The following SLC39A10 variants were observed in gnomAD, a reference collection of about 807,000 sequenced individuals.
The protein encoded by SLC39A10 is zinc transporter ZIP10.
Under a neutral mutation model 65.1 loss-of-function variants are expected in SLC39A10, and 13 were observed. That is an observed-to-expected ratio of 0.20 (90% CI 0.13 to 0.32). The LOEUF is 0.32. Among genes scored for constraint, SLC39A10 ranks in the 10% least tolerant of loss-of-function variants. The probability of loss-of-function intolerance (pLI) is 1.00; values close to 1 mark genes in which losing one functional copy is unlikely to be tolerated. For synonymous variants in SLC39A10, 321 were observed against 342.2 expected, an observed-to-expected ratio of 0.94 and a Z score of 0.68; for missense variants, 831 against 1,018.4, an observed-to-expected ratio of 0.82 and a Z score of 2.50.
intron 2 of SLC39A10, among the ~76,000 whole-genome samples, chr2:195,619,257 A>C (rs1036908037): frequency 6.6e-6 from 1 of 152,166 alleles, no homozygotes; most frequent in East Asian, 1.9e-4. Flanking sequence ...TTCCAGAGCG[A>C]ACTCAACAGG....
intron 1 of SLC39A10, among the ~76,000 whole-genome samples, chr2:195,664,357 G>GTT (rs1689547689): frequency 6.6e-6 from 1 of 150,846 alleles, no homozygotes; most frequent in African/African-American, 2.4e-5. Context: ...TTTAATTATA[G>GTT]CTTTTCTTTT....
At chr2:195,695,486 A>G (rs1440627077) in intron 3 of SLC39A10, among the ~76,000 whole-genome samples, 2 of 152,170 alleles carry the variant, frequency 1.3e-5, no homozygotes, top group African/African-American at 2.4e-5. Flanking sequence ...GTCTATTTCC[A>G]GGCAGCCAGT....
chr2:195,644,887 C>CTTTATTTATTTATT (rs765783190), intron 2 of SLC39A10, among the ~76,000 whole-genome samples: 1 of 91,678 alleles, frequency 1.1e-5, no homozygotes, highest in Non-Finnish European at 2.5e-5. Flanking sequence ...ACCAATCTAA[C>CTTTATTTATTTATT]TACTTTATTT....
chr2:195,649,167 C>A (rs1258904805), intron 2 of SLC39A10, among the ~76,000 whole-genome samples: 1 of 151,926 alleles, frequency 6.6e-6, no homozygotes, highest in Non-Finnish European at 1.5e-5. Context: ...AGAATGACAA[C>A]AACAACAAAA....
intron 5 of SLC39A10, among the ~76,000 whole-genome samples, chr2:195,710,044 G>A (rs1422522215): frequency 1.3e-5 from 2 of 152,264 alleles, no homozygotes; most frequent in African/African-American, 4.8e-5. Flanking sequence ...CAAGAATGAT[G>A]CACCACTTTG....
intron 1 of SLC39A10, among the ~76,000 whole-genome samples, chr2:195,666,341 G>A (rs1689635855): frequency 6.6e-6 from 1 of 152,178 alleles, no homozygotes; most frequent in South Asian, 2.1e-4. Context: ...ACAATGGCAA[G>A]CTGGTATAAA....
intron 2 of SLC39A10, among the ~76,000 whole-genome samples, chr2:195,615,753 C>T (rs1005810293): frequency 2.0e-5 from 3 of 152,144 alleles, no homozygotes; most frequent in Non-Finnish European, 2.9e-5. Flanking sequence ...ACTAGTCTTT[C>T]AAAACCCTTT....
chr2:195,662,153 G>A (rs1164451829), intron 1 of SLC39A10, among the ~76,000 whole-genome samples: 1 of 152,124 alleles, frequency 6.6e-6, no homozygotes, highest in Non-Finnish European at 1.5e-5. Context: ...CCTCTATAAT[G>A]AAGATTTAAT....
At chr2:195,684,918 TA>T (rs1312108080) in intron 3 of SLC39A10, among the ~76,000 whole-genome samples, 4 of 152,180 alleles carry the variant, frequency 2.6e-5, no homozygotes, top group African/African-American at 7.2e-5. Flanking sequence ...CTTATTTACT[TA>T]AACACATATC....
chr2:195,713,601 TC>T lies in SLC39A10; in HGVS notation c.1696+49del, dbSNP rs762811137. ...GACAAACTTTTTTCTTTTTTTTTTTTCATTCAAATTTACATTTAATTTCTAT... is the reference window on the plus strand; with the variant it reads ...GACAAACTTTTTTCTTTTTTTTTTTTATTCAAATTTACATTTAATTTCTAT... On this transcript the variant is annotated intron_variant, in intron 6 of 9. Coordinates refer to ENST00000359634, the MANE Select transcript of SLC39A10 (RefSeq NM_020342.3). 2.1e-5 allele frequency: 32 copies of T among 1,501,752 alleles called. No individual in the cohort carries two copies. The African/African-American group carries it at 2.8e-4, about 13-fold the overall frequency. The allele number at this position is 1,501,752 out of a possible 1,614,324, so 93.0% of individuals were successfully genotyped here.
intron 1 of SLC39A10, chr2:195,658,124 C>T (rs1689235314): frequency 6.6e-6 from 1 of 152,388 alleles, no homozygotes; most frequent in Non-Finnish European, 1.5e-5. Flanking sequence ...CGCACCGCCT[C>T]TCCGGGTCTG....
intron 3 of SLC39A10, among the ~76,000 whole-genome samples, chr2:195,693,722 A>T (rs979992453): frequency 3.3e-5 from 5 of 151,808 alleles, no homozygotes; most frequent in Admixed American, 6.6e-5. Flanking sequence ...ATGGTCTATC[A>T]ATTTTATTTA....
intron 2 of SLC39A10, among the ~76,000 whole-genome samples, chr2:195,615,191 T>C (rs1688179487): frequency 6.6e-6 from 1 of 152,208 alleles, no homozygotes; most frequent in Non-Finnish European, 1.5e-5. Context: ...AACTGTAGTG[T>C]AGGTGAGAAT....
intron 3 of SLC39A10, among the ~76,000 whole-genome samples, chr2:195,691,683 C>T (rs1249504508): frequency 1.3e-5 from 2 of 152,136 alleles, no homozygotes; most frequent in African/African-American, 2.4e-5. Context: ...GTTGTCTATT[C>T]ATGCCCTGAG....
chr2:195,712,839 A>G (rs1691647524), intron 5 of SLC39A10, among the ~76,000 whole-genome samples: 1 of 152,234 alleles, frequency 6.6e-6, no homozygotes, highest in Admixed American at 6.5e-5. Flanking sequence ...TGTCTTTACT[A>G]TAAGACTACT....
At chr2:195,702,287 A>G (rs1691221038) in intron 3 of SLC39A10, among the ~76,000 whole-genome samples, 1 of 152,158 alleles carries the variant, frequency 6.6e-6, no homozygotes, top group Non-Finnish European at 1.5e-5. Context: ...GGAGCAAAAT[A>G]CATTTTGTCT....
At chr2:195,699,389 G>A (rs1317564680) in intron 3 of SLC39A10, among the ~76,000 whole-genome samples, 2 of 87,626 alleles carry the variant, frequency 2.3e-5, no homozygotes, top group East Asian at 6.1e-4. Flanking sequence ...TTTTTGGTTT[G>A]AGATCTTACT....
intron 2 of SLC39A10, among the ~76,000 whole-genome samples, chr2:195,622,733 G>A (rs920241525): frequency 6.6e-6 from 1 of 152,230 alleles, no homozygotes; most frequent in Non-Finnish European, 1.5e-5. Flanking sequence ...AGCACTTTGG[G>A]AGGCCAAAGC....
chr2:195,730,722 C>G (rs1311002448), intron 9 of SLC39A10, among the ~76,000 whole-genome samples: 6 of 152,328 alleles, frequency 3.9e-5, no homozygotes, highest in Non-Finnish European at 1.5e-5. Flanking sequence ...ACTAATCCAA[C>G]TGTACTTGAA....
Sources: allele counts gnomAD v4.1 joint callset (sites outside exome capture counted in the v4.1 genomes callset), GRCh38; gene constraint gnomAD v4.1.1; transcripts MANE v1.5; gene names NCBI Gene and HGNC (gene_info 2026-07-23, HGNC 2026-07-21).